The following ZNF536 variants were observed in gnomAD, a reference collection of about 807,000 sequenced individuals.
ZNF536 encodes zinc finger protein 536.
A neutral mutation model predicts 84.5 loss-of-function variants in ZNF536; 13 were observed. That is an observed-to-expected ratio of 0.15 (90% CI 0.10 to 0.24). The LOEUF is 0.24. Among genes scored for constraint, ZNF536 ranks in the 10% least tolerant of loss-of-function variants. The pLI is 1.00. For synonymous variants in ZNF536, 811 were observed against 742.5 expected (o/e 1.09, Z -1.50); for missense variants, 1,536 against 1,747.5 (o/e 0.88, Z 2.16).
At chr19:30,254,327 A>G (rs554778835) in intron 1 of ZNF536, among the ~76,000 whole-genome samples, 2 of 152,276 alleles carry the variant, frequency 1.3e-5, no homozygotes, top group Admixed American at 6.5e-5. Context: ...CATGTTCTGT[A>G]CCACTCAATT....
intron 1 of ZNF536, among the ~76,000 whole-genome samples, chr19:30,627,920 G>T (rs2048745927): frequency 6.6e-6 from 1 of 152,180 alleles, no homozygotes; most frequent in African/African-American, 2.4e-5. Context: ...GCCTCCCAGG[G>T]CTGGGTGGCT....
At chr19:30,643,570 C>T (rs974337491) in intron 1 of ZNF536, among the ~76,000 whole-genome samples, 2 of 152,072 alleles carry the variant, frequency 1.3e-5, no homozygotes, top group African/African-American at 2.4e-5. Context: ...AGACACATTC[C>T]GGACAGGTAC....
At chr19:30,661,521 G>C (rs1455013071) in intron 1 of ZNF536, among the ~76,000 whole-genome samples, 1 of 152,186 alleles carries the variant, frequency 6.6e-6, no homozygotes, top group Non-Finnish European at 1.5e-5. Flanking sequence ...TAAAAAATAA[G>C]TATCAAATAG....
intron 1 of ZNF536, among the ~76,000 whole-genome samples, chr19:30,614,594 G>A (rs899680059): frequency 6.6e-6 from 1 of 151,902 alleles, no homozygotes; most frequent in Non-Finnish European, 1.5e-5. Flanking sequence ...TTAATTATGA[G>A]TGACATTGAA....
intron 2 of ZNF536, among the ~76,000 whole-genome samples, chr19:30,331,733 G>A (rs2047218040): frequency 6.6e-6 from 1 of 152,128 alleles, no homozygotes; most frequent in African/African-American, 2.4e-5. Flanking sequence ...CCCATCCTAT[G>A]ATGAGTCCAT....
intron 1 of ZNF536, among the ~76,000 whole-genome samples, chr19:30,237,095 G>A (rs1377243964): frequency 6.6e-6 from 1 of 151,688 alleles, no homozygotes; most frequent in Admixed American, 6.6e-5. Flanking sequence ...TGGCCACTCA[G>A]GTGAAAAATA....
rs368842939 is a variant in ZNF536, at chr19:30,585,812, C to A, written c.169+36298C>A. ...GTCAAGCCTCACGTCCCCCAACAAG[C>A]CTTTCCTGTTGACACTAGGTAATAC... On this transcript the variant is annotated intron_variant, in intron 1 of 1. Coordinates refer to the ZNF536 transcript ENST00000592773. Among the ~76,000 whole-genome samples, 38 of 152,270 alleles carry A rather than the reference C, an allele frequency of 2.5e-4. No individual in the cohort carries two copies. The South Asian group carries it at 7.5e-3, about 30-fold the overall frequency.
intron 2 of ZNF536, among the ~76,000 whole-genome samples, chr19:30,302,376 G>A (rs2046214357): frequency 6.6e-6 from 1 of 152,192 alleles, no homozygotes; most frequent in Non-Finnish European, 1.5e-5. Flanking sequence ...TCACAGCCAT[G>A]GTTCTGCGTC....
intron 1 of ZNF536, among the ~76,000 whole-genome samples, chr19:30,253,127 C>A (rs2024709454): frequency 6.6e-6 from 1 of 152,224 alleles, no homozygotes; most frequent in African/African-American, 2.4e-5. Context: ...CTCAGATTAT[C>A]AGCCTCCTAA....
intron 2 of ZNF536, among the ~76,000 whole-genome samples, chr19:30,488,992 T>G (rs1204386431): frequency 1.3e-5 from 2 of 152,168 alleles, no homozygotes; most frequent in Non-Finnish European, 2.9e-5. Flanking sequence ...TCTTGACAAA[T>G]AGATCATGGA....
chr19:30,684,604 C>T (rs781634958), intron 1 of ZNF536, among the ~76,000 whole-genome samples: 1 of 152,172 alleles, frequency 6.6e-6, no homozygotes, highest in Non-Finnish European at 1.5e-5. Flanking sequence ...ACCATGTGCA[C>T]CGATTTGATT....
upstream of ZNF536, among the ~76,000 whole-genome samples, chr19:30,371,725 G>A (rs941725909): frequency 6.6e-6 from 1 of 151,498 alleles, no homozygotes; most frequent in Non-Finnish European, 1.5e-5. Flanking sequence ...GATGGAAAAG[G>A]CAGCGGCCCC....
At chr19:30,234,391 T>A (rs1599826824) in intron 1 of ZNF536, among the ~76,000 whole-genome samples, 1 of 128,838 alleles carries the variant, frequency 7.8e-6, no homozygotes, top group Admixed American at 9.0e-5. Flanking sequence ...ACCACTAGGC[T>A]CCTTCCTTTT....
rs533174356 is a variant in ZNF536, at chr19:30,529,413, C to T, written c.2171-5434C>T. Among the ~76,000 whole-genome samples, 39 of 152,176 alleles carry T rather than the reference C, an allele frequency of 2.6e-4. 1 individual carries two copies. The East Asian group carries it at 6.2e-3, about 24-fold the overall frequency. Reference sequence around the variant, plus strand: ...GAAGTTGTTTGTCTTTCTGAGCATCCGTTTCTTTGTCTAACTGGTACTGCC... The same window carrying T: ...GAAGTTGTTTGTCTTTCTGAGCATCTGTTTCTTTGTCTAACTGGTACTGCC... On this transcript the variant is annotated intron_variant, in intron 2 of 4. Coordinates refer to ENST00000355537, the MANE Select transcript of ZNF536 (RefSeq NM_014717.3).
At chr19:30,301,781 G>A (rs2046194115) in intron 2 of ZNF536, among the ~76,000 whole-genome samples, 1 of 152,022 alleles carries the variant, frequency 6.6e-6, no homozygotes, top group Non-Finnish European at 1.5e-5. Flanking sequence ...TAAAGAGCTT[G>A]GCCAAATTGA....
At chr19:30,428,224 C>T (rs2051298331) in intron 1 of ZNF536, among the ~76,000 whole-genome samples, 1 of 152,210 alleles carries the variant, frequency 6.6e-6, no homozygotes, top group Non-Finnish European at 1.5e-5. Flanking sequence ...ATAGAGGCCG[C>T]ATCAACATGC....
chr19:30,593,124 G>C (rs2047331089), intron 1 of ZNF536, among the ~76,000 whole-genome samples: 1 of 152,122 alleles, frequency 6.6e-6, no homozygotes, highest in African/African-American at 2.4e-5. Flanking sequence ...CCATCAAACT[G>C]GTCAGAAATA....
chr19:30,511,243 G>A (rs558233931), intron 2 of ZNF536, among the ~76,000 whole-genome samples: 14 of 152,090 alleles, frequency 9.2e-5, no homozygotes, highest in Admixed American at 2.0e-4. Flanking sequence ...TCTTTTCTCT[G>A]GTTCATCTCT....
intron 2 of ZNF536, among the ~76,000 whole-genome samples, chr19:30,351,276 T>C (rs2047922659): frequency 6.6e-6 from 1 of 152,240 alleles, no homozygotes; most frequent in African/African-American, 2.4e-5. Context: ...AAAATACTAG[T>C]GACAGTGACC....
Sources: allele counts gnomAD v4.1 joint callset (sites outside exome capture counted in the v4.1 genomes callset), GRCh38; gene constraint gnomAD v4.1.1; transcripts MANE v1.5; gene names NCBI Gene and HGNC (gene_info 2026-07-23, HGNC 2026-07-21).